C8A: variants seen among roughly 807,000 people sequenced by gnomAD.
C8A encodes the protein complement C8 alpha chain, also known as complement component C8 alpha chain.
In C8A, 67 loss-of-function variants were observed where a neutral mutation model predicts 65.3. The observed-to-expected ratio is 1.03, with a 90% CI of 0.84 to 1.26. The LOEUF (loss-of-function observed/expected upper bound fraction) is 1.26, where lower values mean the gene tolerates loss of function less well. C8A is among the 50% of genes most tolerant of loss of function. The pLI, the probability that C8A is intolerant of heterozygous loss-of-function variation, is 0.00. For missense variants in C8A, 781 were observed against 723.9 expected (o/e 1.08, Z -0.90); for synonymous variants, 290 against 259.4 (o/e 1.12, Z -1.13).
intron 9 of C8A, among the ~76,000 whole-genome samples, chr1:56,911,863 A>G (rs898150955): frequency 3.3e-5 from 5 of 152,232 alleles, no homozygotes; most frequent in African/African-American, 1.2e-4. Flanking sequence ...GAAGGCTGAC[A>G]TTTAAAACAC....
chr1:56,877,050 G>A (rs1373477942), intron 4 of C8A, among the ~76,000 whole-genome samples: 1 of 152,148 alleles, frequency 6.6e-6, no homozygotes, highest in Non-Finnish European at 1.5e-5. Context: ...GGCTTTATAA[G>A]AAGACAAAGA....
rs898661120 is a variant in C8A at position 56,876,215 on chromosome 1, G to A, written c.464+6G>A. ...TCACAGAAGGCAGCCTTGGGGTGAGGCCCTGCCTACTAGCTATTTAGGAGC... is the reference window on the plus strand; with the variant it reads ...TCACAGAAGGCAGCCTTGGGGTGAGACCCTGCCTACTAGCTATTTAGGAGC... On this transcript the variant is annotated splice_donor_region_variant and intron_variant, in intron 4 of 10. Coordinates refer to ENST00000361249, the MANE Select transcript of C8A (RefSeq NM_000562.3). 26 of 1,613,722 alleles carry A rather than the reference G, an allele frequency of 1.6e-5. No individual in the cohort carries two copies. Among genetic ancestry groups the A allele is most frequent in the East Asian group, 2.2e-5 (1 of 44,826 alleles).
intron 1 of C8A, among the ~76,000 whole-genome samples, chr1:56,858,647 T>C (rs769041112): frequency 2.0e-5 from 3 of 152,256 alleles, no homozygotes. Flanking sequence ...GCCATGTGAA[T>C]ATTTTTAATA....
chr1:56,886,012 T>TGGA lies in C8A; in HGVS notation c.942_943insGAG (p.Met314_Leu315insGlu). ...GATGACATTATGCTGGATGAAGGAA[T>TGGA]GCTGCAGTCATTAATGGAGCTTCCA... On this transcript the variant is annotated inframe_insertion, in exon 7 of 11. Coordinates refer to ENST00000361249, the MANE Select transcript of C8A (RefSeq NM_000562.3). 2 of 1,614,080 alleles carry TGGA rather than the reference T, an allele frequency of 1.2e-6. No individual in the cohort carries two copies. The highest frequency in any genetic ancestry group is 1.7e-6 in the Non-Finnish European group (2 of 1,179,964).
chr1:56,872,636 G>A (rs12726193), intron 2 of C8A, among the ~76,000 whole-genome samples: 8 of 152,222 alleles, frequency 5.3e-5, no homozygotes, highest in Admixed American at 2.0e-4. Flanking sequence ...ATTTGAAAGT[G>A]AGATGAGAAG....
chr1:56,910,376 T>C (rs1644496186), intron 9 of C8A, among the ~76,000 whole-genome samples: 1 of 152,246 alleles, frequency 6.6e-6, no homozygotes, highest in South Asian at 2.1e-4. Context: ...CAATACCTTT[T>C]CAAGCTCTAA....
chr1:56,917,491 T>G, intron 10 of C8A, 74 bp from the exon 11 acceptor site: 2 of 1,529,582 alleles, frequency 1.3e-6, no homozygotes, highest in Non-Finnish European at 9.0e-7. Flanking sequence ...CACCCCTCCC[T>G]GTTCATCACC....
intron 10 of C8A, among the ~76,000 whole-genome samples, chr1:56,917,305 A>T (rs1479870361): frequency 6.6e-6 from 1 of 152,236 alleles, no homozygotes; most frequent in Non-Finnish European, 1.5e-5. Context: ...CTCCCTGGAC[A>T]GAGCCCCCAG....
chr1:56,859,061 T>C (rs757058988), intron 1 of C8A, among the ~76,000 whole-genome samples: 13 of 152,336 alleles, frequency 8.5e-5, no homozygotes, highest in Admixed American at 1.3e-4. Context: ...TATTTCTCTT[T>C]TGTCAGAAAT....
intron 1 of C8A, among the ~76,000 whole-genome samples, chr1:56,860,053 A>ACT (rs1378192465): frequency 3.9e-5 from 6 of 152,156 alleles, no homozygotes; most frequent in Admixed American, 3.3e-4. Flanking sequence ...GCAGAGCAAG[A>ACT]CTCTATCTCA....
chr1:56,870,918 C>T (rs1644141480), intron 2 of C8A, among the ~76,000 whole-genome samples: 1 of 152,046 alleles, frequency 6.6e-6, no homozygotes, highest in South Asian at 2.1e-4. Flanking sequence ...ACATTATCTA[C>T]CAGTTAGAAA....
chr1:56,902,660 C>A (rs1238057849), intron 7 of C8A, among the ~76,000 whole-genome samples: 3 of 152,128 alleles, frequency 2.0e-5, no homozygotes, highest in Non-Finnish European at 4.4e-5. Context: ...CTCTTGCCCC[C>A]AGCCCCTGGC....
At chr1:56,911,431 G>A (rs1449046679) in intron 9 of C8A, among the ~76,000 whole-genome samples, 2 of 152,188 alleles carry the variant, frequency 1.3e-5, no homozygotes, top group East Asian at 1.9e-4. Context: ...GTCGGAAGCA[G>A]GGTAGCTGGG....
chr1:56,888,626 A>G (rs1644319740), intron 7 of C8A, among the ~76,000 whole-genome samples: 1 of 152,216 alleles, frequency 6.6e-6, no homozygotes, highest in Non-Finnish European at 1.5e-5. Flanking sequence ...GCATATTTGT[A>G]TCGTGTCATG....
intron 2 of C8A, among the ~76,000 whole-genome samples, chr1:56,873,682 C>A (rs1644169850): frequency 6.6e-6 from 1 of 152,150 alleles, no homozygotes; most frequent in South Asian, 2.1e-4. Context: ...GCTTTCTTAC[C>A]TACATACTAA....
At chr1:56,897,017 G>A (rs1482257461) in intron 7 of C8A, among the ~76,000 whole-genome samples, 1 of 152,178 alleles carries the variant, frequency 6.6e-6, no homozygotes, top group African/African-American at 2.4e-5. Flanking sequence ...GCTGGTCAGA[G>A]GCAGGGCGAG....
chr1:56,907,275 G>A (rs12096073), intron 8 of C8A, among the ~76,000 whole-genome samples: 3,748 of 152,218 alleles, frequency 0.025, 133 homozygotes, highest in African/African-American at 0.086. Flanking sequence ...TCATCAAACA[G>A]GTATTGAGTT....
At chr1:56,890,396 A>G (rs1451477176) in intron 7 of C8A, among the ~76,000 whole-genome samples, 9 of 152,186 alleles carry the variant, frequency 5.9e-5, no homozygotes, top group Admixed American at 5.9e-4. Flanking sequence ...CAAAATCAGT[A>G]TGGTCACTGT....
In C8A at chr1:56,917,417, T is replaced by C; in HGVS notation, c.1604-148T>C. On this transcript the variant is annotated intron_variant, in intron 10 of 10. Transcript: ENST00000361249. The stretch of plus-strand genomic sequence containing the variant: ...AGACCCTATGTACCTTATCTGTACG[T>C]ACCTCCAACAAGCTGCAGTCGACCA... 3.9e-6 allele frequency: 3 copies of C among 763,094 alleles called. No homozygotes were observed. In the South Asian group the frequency reaches 4.5e-5, roughly 12 times the overall value. The allele number at this position is 763,094 out of a possible 1,614,324, so 47.3% of individuals were successfully genotyped here. A position where few individuals can be genotyped will look rare whatever the true frequency, so the allele number is the denominator to read the frequency against.
Sources: gnomAD v4.1 joint callset for allele counts (sites outside exome capture counted in the v4.1 genomes callset) on GRCh38, gnomAD v4.1.1 for gene constraint, MANE v1.5 for transcripts, NCBI Gene and HGNC (gene_info 2026-07-23, HGNC 2026-07-21) for gene names.